The following CAD variants were observed in gnomAD, a reference collection of about 807,000 sequenced individuals.
The protein encoded by CAD is multifunctional protein CAD.
Under a neutral mutation model 237.2 loss-of-function variants are expected in CAD, and 81 were observed. That is an observed-to-expected ratio of 0.34 (90% CI 0.29 to 0.41). The LOEUF is 0.41. Ranked by LOEUF, CAD falls within the 10% of genes least tolerant of loss-of-function variation. The pLI, the probability that CAD is intolerant of heterozygous loss-of-function variation, is 1.00. For synonymous variants in CAD, 1,196 were observed against 1,162.8 expected (o/e 1.03, Z -0.58); for missense variants, 2,181 against 2,951.7 (o/e 0.74, Z 6.05).
chr2:27,220,964 A>G (rs1300545879), intron 2 of CAD, among the ~76,000 whole-genome samples: 1 of 152,108 alleles, frequency 6.6e-6, no homozygotes, highest in Admixed American at 6.5e-5. Flanking sequence ...TCTCAAAAAA[A>G]ATAAATAATA....
intron 5 of CAD, 41 bp downstream of exon 5, chr2:27,222,701 T>C (rs1675236117): frequency 6.2e-7 from 1 of 1,601,228 alleles, no homozygotes; most frequent in Non-Finnish European, 8.5e-7. Context: ...GACAAGCAGC[T>C]TGGGTGGAAG....
At chr2:27,230,081 T>C (rs1292135790) in intron 15 of CAD, among the ~76,000 whole-genome samples, 1 of 148,886 alleles carries the variant, frequency 6.7e-6, no homozygotes, top group African/African-American at 2.5e-5. Context: ...CTACTAAAAA[T>C]ACAAAAATTA....
chr2:27,226,382 G>C, intron 13 of CAD, 63 bp downstream of exon 13: 1 of 1,576,234 alleles, frequency 6.3e-7, no homozygotes, highest in South Asian at 1.1e-5. Flanking sequence ...ATAATTTTTG[G>C]CCCTTGAGGT....
chr2:27,239,141 G>T lies in CAD; in HGVS notation c.5162G>T (p.Gly1721Val), dbSNP rs1217789124. The stretch of plus-strand genomic sequence containing the variant: ...CTACTCCTGACGGCTGTAAGCGAGG[G>T]CCGGCTCAGCCTGGACGACCTGCTG... Reference protein sequence around the residue: ...LPLLLTAVSEGRLSLDDLLQR... With the variant: ...LPLLLTAVSEVRLSLDDLLQR... Residue 1721 changes from glycine to valine, a missense_variant, in exon 32 of 44, where the codon GGC (glycine) becomes GTC (valine). Coordinates refer to ENST00000264705, the MANE Select transcript of CAD (RefSeq NM_004341.5). This position sits in a 1 kb window ranked among gnomAD's most constrained non-coding sequence, Gnocchi z 4.0. The T allele has an allele frequency of 5.0e-6, 8 of 1,613,530 alleles. No individual in the cohort carries two copies. The highest frequency in any genetic ancestry group is 6.8e-6 in the Non-Finnish European group (8 of 1,179,692).
rs201165461 is a variant in CAD at position 27,240,383 on chromosome 2, C to G, written c.5593+22C>G. ...CCAGGTAAGAGTGGGGTTCCTGTGA[C>G]TCAGAGACTGTGTAGGGACAGGATC... On this transcript the variant is annotated intron_variant, in intron 35 of 43. Coordinates refer to ENST00000264705, the MANE Select transcript of CAD (RefSeq NM_004341.5). This position sits in a 1 kb window ranked among gnomAD's most constrained non-coding sequence, Gnocchi z 4.6. 1.8e-4 allele frequency: 281 copies of G among 1,605,276 alleles called. 1 individual carries two copies. In the African/African-American group the frequency reaches 3.3e-3, roughly 19 times the overall value.
rs199782966 is a variant in CAD, at chr2:27,223,904, A to T, written c.996-13A>T. ...GGACCATGATGGTTTTCATGATGCAATCTCTTCAATAGTGTCCAGTTTCAC... is the reference window on the plus strand; with the variant it reads ...GGACCATGATGGTTTTCATGATGCATTCTCTTCAATAGTGTCCAGTTTCAC... On this transcript the variant is annotated splice_polypyrimidine_tract_variant and intron_variant, in intron 7 of 43. Transcript: ENST00000264705. The T allele has an allele frequency of 3.1e-6, 5 of 1,599,990 alleles. No homozygotes were observed. The East Asian group carries it at 1.1e-4, about 36-fold the overall frequency.
At position 27,223,566 on chromosome 2, in the gene CAD, T is replaced by C. The variant is rs929365599; in HGVS notation, c.813T>C (p.Tyr271=). ...CTCGGCATGCTTCTACCTCCAGATA[T>C]GGGAACCGAGGCCATAACCAGCCCT... ...AIGAKTYKMR[Y]GNRGHNQPCL... is the part of the protein sequence containing the mutation. Residue 271 remains tyrosine (Y), a synonymous_variant, in exon 7 of 44, where the codon TAT becomes TAC. Coordinates refer to ENST00000264705, the MANE Select transcript of CAD (RefSeq NM_004341.5). 8 of 1,612,328 alleles carry C rather than the reference T, an allele frequency of 5.0e-6. No individual in the cohort carries two copies. Among genetic ancestry groups the C allele is most frequent in the African/African-American group, 1.3e-5 (1 of 74,946 alleles).
chr2:27,228,809 T>C (rs545480587), intron 15 of CAD, among the ~76,000 whole-genome samples: 2 of 152,270 alleles, frequency 1.3e-5, no homozygotes, highest in East Asian at 3.9e-4. Context: ...AGGCTGGTCT[T>C]GAACGCCCGT....
intron 15 of CAD, among the ~76,000 whole-genome samples, chr2:27,230,347 C>G (rs137899385): frequency 9.4e-4 from 143 of 151,340 alleles, no homozygotes; most frequent in Admixed American, 1.6e-3. Context: ...ATATGTAAAA[C>G]ATACCTATGA....
chr2:27,217,700 C>T, intron 1 of CAD, 67 bp downstream of exon 1: 2 of 1,430,448 alleles, frequency 1.4e-6, no homozygotes, highest in Non-Finnish European at 9.4e-7. Flanking sequence ...CCCAACCTTC[C>T]CCGTCCAGAC....
chr2:27,235,326 G>A lies in CAD; in HGVS notation c.3868G>A (p.Gly1290Ser), dbSNP rs376049827. ...VEMTSTGEVAGFGESRCEAYL... is the reference protein window; with the variant it reads ...VEMTSTGEVASFGESRCEAYL... ...AATGACCAGTACTGGGGAGGTGGCC[G>A]GCTTTGGGGAGAGCCGCTGTGAGGC... The change falls in exon 24 of 44, where the codon GGC becomes AGC. Residue 1290 changes from glycine (G) to serine (S), a missense_variant. Gly to Ser is a moderately conservative substitution (Grantham distance 56). Transcript: ENST00000264705. The surrounding 1 kb of genome is among the most constrained non-coding windows in gnomAD (Gnocchi z 5.2). The A allele has an allele frequency of 5.8e-5, 94 of 1,613,944 alleles. No individual in the cohort carries two copies. Among genetic ancestry groups the A allele is most frequent in the Non-Finnish European group, 7.1e-5 (84 of 1,180,016 alleles).
At position 27,224,808 on chromosome 2, in the gene CAD, G is replaced by A; in HGVS notation, c.1318G>A (p.Val440Met). Residue 440 changes from valine to methionine, a missense_variant, in exon 10 of 44, where the codon GTG becomes ATG. Physicochemically the swap from Val to Met is conservative, Grantham distance 21 (BLOSUM62 1). Around this residue, in one of 12 missense-constraint regions of CAD, gnomAD observed 174 missense variants for 215.8 expected, o/e 0.81. Transcript: ENST00000264705. ...GCTGATCAACCCCAATATTGCCACA[G>A]TGCAGACCTCCCAGGGGCTGGCCGA... ...TLLINPNIATVQTSQGLADKV... is the reference protein window; with the variant it reads ...TLLINPNIATMQTSQGLADKV... The A allele has an allele frequency of 6.2e-7, 1 of 1,614,176 alleles. No homozygotes were observed.
rs1676446647 is a variant in CAD, at chr2:27,243,674, TGG to T, written c.*160_*161del. On this transcript the variant is annotated 3_prime_UTR_variant, in exon 44 of 44. Transcript: ENST00000264705. ...GGCTCTGGACTGGAGCTCTCTGGCA[TGG>T]GGGTGGGGCCTCAGATGCTGGGGCC... is the stretch of plus-strand genomic sequence containing the variant. 2 of 639,704 alleles carry T rather than the reference TGG, an allele frequency of 3.1e-6. No homozygotes were observed. Among genetic ancestry groups the T allele is most frequent in the South Asian group, 3.9e-5 (2 of 50,758 alleles). 39.6% of individuals were successfully genotyped at this position (639,704 alleles called of 1,614,324 possible).
Position 27,239,373 on chromosome 2 carries a change from T to G in CAD, c.5296T>G (p.Phe1766Val). Residue 1766 changes from phenylalanine to valine, a missense_variant, in exon 33 of 44, where the codon TTC (phenylalanine) becomes GTC (valine). Phe to Val is a conservative substitution (Grantham distance 50). This residue lies in a region of CAD where 478 missense variants were observed against 515.0 expected (regional missense o/e 0.93). Coordinates refer to ENST00000264705, the MANE Select transcript of CAD (RefSeq NM_004341.5). This position sits in a 1 kb window ranked among gnomAD's most constrained non-coding sequence, Gnocchi z 4.0. Reference protein sequence around the residue: ...HEWTIPSHMPFSKAHWTPFEG... With the variant: ...HEWTIPSHMPVSKAHWTPFEG... ...GTGGACAATTCCCAGCCACATGCCC[T>G]TCTCCAAGGCCCACTGGACACCTTT... 6.2e-7 allele frequency: 1 copy of G among 1,613,984 alleles called. No homozygotes were observed. The highest frequency in any genetic ancestry group is 8.5e-7 in the Non-Finnish European group (1 of 1,179,910).
At position 27,242,879 on chromosome 2, in the gene CAD, T is replaced by C; in HGVS notation, c.6386T>C (p.Phe2129Ser). Residue 2129 changes from phenylalanine (F) to serine (S), a missense_variant, in exon 42 of 44, where the codon TTC becomes TCC. Phe to Ser is a radical substitution (Grantham distance 155). Coordinates refer to ENST00000264705, the MANE Select transcript of CAD (RefSeq NM_004341.5). This position sits in a 1 kb window ranked among gnomAD's most constrained non-coding sequence, Gnocchi z 6.4. ...GCTCTCCTCACCCTCCAGGAGGAAT[T>C]CGAGAGCATTGAGGAGGCGCTGCCT... is the stretch of plus-strand genomic sequence containing the variant. ...VASRGTKQEE[F>S]ESIEEALPDT... 1 of 1,614,088 alleles carries C rather than the reference T, an allele frequency of 6.2e-7. No homozygotes were observed. The highest frequency in any genetic ancestry group is 8.5e-7 in the Non-Finnish European group (1 of 1,179,948).
rs546446417 is a variant in CAD, at chr2:27,236,673, T to G, written c.4315-76T>G. The G allele has an allele frequency of 6.4e-7, 1 of 1,566,420 alleles. No individual in the cohort carries two copies. Among genetic ancestry groups the G allele is most frequent in the South Asian group, 1.1e-5 (1 of 90,056 alleles). On this transcript the variant is annotated intron_variant, in intron 26 of 43. Coordinates refer to ENST00000264705, the MANE Select transcript of CAD (RefSeq NM_004341.5). The surrounding 1 kb of genome is among the most constrained non-coding windows in gnomAD (Gnocchi z 4.1). The stretch of plus-strand genomic sequence containing the variant: ...GGGTATAGAGTGTGCAGAGCCTGGT[T>G]TATGGGAAAACCACATCTCTCCCTA...
Position 27,217,891 on chromosome 2 carries a change from A to G in CAD, c.97A>G (p.Met33Val). 1 of 1,606,360 alleles carries G rather than the reference A, an allele frequency of 6.2e-7. No homozygotes were observed. ...TAGEVVFQTG[M>V]VGYPEALTDP... The stretch of plus-strand genomic sequence containing the variant: ...CTTTCTTGCAGTGTTTCAAACCGGC[A>G]TGGTCGGCTACCCCGAGGCCCTCAC... Residue 33 changes from methionine to valine, a missense_variant, in exon 2 of 44, where the codon ATG (methionine) becomes GTG (valine). Physicochemically the swap from Met to Val is conservative, Grantham distance 21 (BLOSUM62 1). Coordinates refer to ENST00000264705, the MANE Select transcript of CAD (RefSeq NM_004341.5).
intron 6 of CAD, 41 bp downstream of exon 6, chr2:27,223,078 A>G: frequency 6.3e-7 from 1 of 1,587,662 alleles, no homozygotes; most frequent in South Asian, 1.1e-5. Context: ...TACTTGTGGC[A>G]TGAGGGGTGG....
Position 27,243,859 on chromosome 2 carries a change from C to A in CAD, c.*341C>A. On this transcript the variant is annotated 3_prime_UTR_variant, in exon 44 of 44. Transcript: ENST00000264705. ...TCCCAAATTATAAGAGCAGCCTCAC[C>A]AGGCAGGGCTCTGGCTAGGGCTGCG... is the stretch of plus-strand genomic sequence containing the variant. The A allele has an allele frequency of 3.8e-6, 1 of 264,038 alleles. No individual in the cohort carries two copies. Among genetic ancestry groups the A allele is most frequent in the Non-Finnish European group, 7.3e-6 (1 of 137,278 alleles). The allele number at this position is 264,038 out of a possible 1,614,324, so 16.4% of individuals were successfully genotyped here. A position where few individuals can be genotyped will look rare whatever the true frequency, so the allele number is the denominator to read the frequency against.
Sources: allele counts gnomAD v4.1 joint callset (sites outside exome capture counted in the v4.1 genomes callset), GRCh38; gene constraint gnomAD v4.1.1; regional missense constraint gnomAD v4.1.1; non-coding constraint Gnocchi (gnomAD v3.1); transcripts MANE v1.5; gene names NCBI Gene and HGNC (gene_info 2026-07-23, HGNC 2026-07-21).